MDFIC2: variants seen among roughly 807,000 people sequenced by gnomAD.
The protein encoded by MDFIC2 is myoD family inhibitor domain-containing protein 2.
intron 2 of MDFIC2, among the ~76,000 whole-genome samples, chr3:70,300,126 C>G (rs1702333372): frequency 6.6e-6 from 1 of 152,096 alleles, no homozygotes; most frequent in Non-Finnish European, 1.5e-5. Flanking sequence ...CTCTGAATCG[C>G]ATATCTTCTT....
intron 2 of MDFIC2, among the ~76,000 whole-genome samples, chr3:70,303,617 C>T (rs148485638): frequency 0.014 from 2,152 of 152,194 alleles, 17 homozygotes; most frequent in Non-Finnish European, 0.021. Context: ...TCTCAAAAAC[C>T]GATAAAGCTC....
intron 2 of MDFIC2, among the ~76,000 whole-genome samples, chr3:70,232,833 C>T (rs752321340): frequency 6.6e-6 from 1 of 152,088 alleles, no homozygotes; most frequent in Non-Finnish European, 1.5e-5. Context: ...GTGATTCTCT[C>T]CTTTGTACAG....
intron 2 of MDFIC2, among the ~76,000 whole-genome samples, chr3:70,289,418 C>G (rs1184749024): frequency 6.7e-6 from 1 of 148,988 alleles, no homozygotes; most frequent in Non-Finnish European, 1.5e-5. Context: ...AGGGTTTCTG[C>G]CGAGAGATCC....
chr3:70,286,351 CA>C (rs1702162505), intron 2 of MDFIC2, among the ~76,000 whole-genome samples: 1 of 152,062 alleles, frequency 6.6e-6, no homozygotes, highest in Non-Finnish European at 1.5e-5. Flanking sequence ...TCAGGTTTGT[CA>C]AAGATCAGAT....
chr3:70,271,398 C>G (rs1257950868), intron 2 of MDFIC2, among the ~76,000 whole-genome samples: 1 of 152,114 alleles, frequency 6.6e-6, no homozygotes, highest in Non-Finnish European at 1.5e-5. Context: ...GGTTCCAGCT[C>G]ACTGGAACCA....
At chr3:70,291,389 A>T (rs901784886) in intron 2 of MDFIC2, 1 of 152,156 alleles carries the variant, frequency 6.6e-6, no homozygotes, top group South Asian at 2.1e-4. Flanking sequence ...TATCATTACG[A>T]TATAACAAAT....
intron 3 of MDFIC2, among the ~76,000 whole-genome samples, chr3:70,201,951 G>A (rs1559533835): frequency 6.6e-6 from 1 of 152,156 alleles, no homozygotes; most frequent in African/African-American, 2.4e-5. Context: ...CTTTGCTTTG[G>A]GTGGTGTCTT....
intron 2 of MDFIC2, among the ~76,000 whole-genome samples, chr3:70,238,086 G>A (rs1326643014): frequency 7.0e-6 from 1 of 142,142 alleles, no homozygotes; most frequent in Non-Finnish European, 1.5e-5. Context: ...GAGTGGAAAT[G>A]GCTTGCCCTG....
chr3:70,223,927 C>G (rs896010831), intron 2 of MDFIC2, among the ~76,000 whole-genome samples: 1 of 151,950 alleles, frequency 6.6e-6, no homozygotes, highest in Non-Finnish European at 1.5e-5. Context: ...CTCTCCTCTC[C>G]CCCCACCCTT....
chr3:70,276,804 G>T (rs994154495), intron 2 of MDFIC2, among the ~76,000 whole-genome samples: 3 of 152,126 alleles, frequency 2.0e-5, no homozygotes, highest in Non-Finnish European at 4.4e-5. Flanking sequence ...GGCCCACTAA[G>T]CCAGAAATAT....
chr3:70,215,021 C>T (rs1701392795), intron 2 of MDFIC2, among the ~76,000 whole-genome samples: 4 of 152,136 alleles, frequency 2.6e-5, no homozygotes, highest in South Asian at 2.1e-4. Context: ...AATTTTTTTA[C>T]TATCAGTGTT....
intron 2 of MDFIC2, among the ~76,000 whole-genome samples, chr3:70,238,120 G>A (rs1242881664): frequency 1.3e-5 from 2 of 150,124 alleles, no homozygotes; most frequent in African/African-American, 2.4e-5. Context: ...ACAGACATAT[G>A]ATAGCCAGAG....
chr3:70,297,505 A>G (rs1266446255), intron 2 of MDFIC2, among the ~76,000 whole-genome samples: 1 of 152,102 alleles, frequency 6.6e-6, no homozygotes, highest in Non-Finnish European at 1.5e-5. Context: ...TGTAGTTTCA[A>G]TTGGTTAGAC....
chr3:70,288,682 G>A (rs1367673999), intron 2 of MDFIC2, among the ~76,000 whole-genome samples: 9 of 151,892 alleles, frequency 5.9e-5, no homozygotes, highest in Non-Finnish European at 1.0e-4. Context: ...CATTATTAAT[G>A]TGTGGAAGTC....
At chr3:70,300,681 T>C (rs573446212) in intron 2 of MDFIC2, among the ~76,000 whole-genome samples, 2 of 152,260 alleles carry the variant, frequency 1.3e-5, no homozygotes, top group East Asian at 3.9e-4. Context: ...GAGACTGATA[T>C]TTGTTAAGTA....
chr3:70,264,469 G>C (rs927276163), intron 2 of MDFIC2, among the ~76,000 whole-genome samples: 1 of 152,190 alleles, frequency 6.6e-6, no homozygotes, highest in African/African-American at 2.4e-5. Context: ...AAGGATCAAT[G>C]TGCCTGAGTC....
At chr3:70,214,955 T>C (rs1002754199) in intron 2 of MDFIC2, among the ~76,000 whole-genome samples, 3 of 152,084 alleles carry the variant, frequency 2.0e-5, no homozygotes, top group African/African-American at 7.2e-5. Flanking sequence ...TCTGAAAAAA[T>C]AAATGAAGCC....
At chr3:70,260,189 T>G (rs1701852677) in intron 2 of MDFIC2, among the ~76,000 whole-genome samples, 1 of 152,162 alleles carries the variant, frequency 6.6e-6, no homozygotes, top group Non-Finnish European at 1.5e-5. Flanking sequence ...TCTTCCTAAC[T>G]TCTAGTGGTT....
intron 2 of MDFIC2, among the ~76,000 whole-genome samples, chr3:70,266,510 T>A (rs1701918089): frequency 6.6e-6 from 1 of 152,088 alleles, no homozygotes; most frequent in Admixed American, 6.5e-5. Context: ...AGCCTGCATC[T>A]CCTAGGCTCA....
Sources: gnomAD v4.1 joint callset for allele counts (sites outside exome capture counted in the v4.1 genomes callset) on GRCh38, gnomAD v4.1.1 for gene constraint, MANE v1.5 for transcripts, NCBI Gene and HGNC (gene_info 2026-07-23, HGNC 2026-07-21) for gene names.